Variants in FAM193A observed in about 807,000 individuals in gnomAD.
FAM193A encodes the protein family with sequence similarity 193 member A, also known as protein FAM193A.
In FAM193A, 22 loss-of-function variants were observed where a neutral mutation model predicts 126.5. The observed-to-expected ratio is 0.17, with a 90% confidence interval of 0.12 to 0.25. The LOEUF is 0.25. Among genes scored for constraint, FAM193A ranks in the 10% least tolerant of loss-of-function variants. The probability of loss-of-function intolerance (pLI) is 1.00; values close to 1 mark genes in which losing one functional copy is unlikely to be tolerated. For synonymous variants in FAM193A, 761 were observed against 646.8 expected (o/e 1.18, Z -2.68); for missense variants, 1,675 against 1,672.8 (o/e 1.00, Z -0.02).
rs569376843 is a variant in FAM193A, at chr4:2,545,977, G to A, written c.255+8807G>A. Among the ~76,000 whole-genome samples the A allele has an allele frequency of 6.6e-5, 10 of 152,206 alleles. No homozygotes were observed. The South Asian group carries it at 1.9e-3, about 28-fold the overall frequency. ...AGCCTGACCAACATGGTGAAATCGTGTCTCTACTAAAAATACAAAAATTAG... is the reference window on the plus strand; with the variant it reads ...AGCCTGACCAACATGGTGAAATCGTATCTCTACTAAAAATACAAAAATTAG... On this transcript the variant is annotated intron_variant, in intron 1 of 20. Transcript: ENST00000637812.
chr4:2,723,505 C>T (rs936297155), intron 20 of FAM193A, among the ~76,000 whole-genome samples: 3 of 150,662 alleles, frequency 2.0e-5, no homozygotes, highest in Non-Finnish European at 2.9e-5. Flanking sequence ...ACCCAGGAGG[C>T]GGAGGTTGCA....
At chr4:2,706,193 G>A (rs1282700158) in intron 19 of FAM193A, among the ~76,000 whole-genome samples, 2 of 151,942 alleles carry the variant, frequency 1.3e-5, no homozygotes, top group African/African-American at 4.8e-5. Flanking sequence ...GGTCTATAAT[G>A]AGACCTTGTT....
At chr4:2,558,448 CAT>C (rs994953622) in intron 1 of FAM193A, among the ~76,000 whole-genome samples, 2 of 152,178 alleles carry the variant, frequency 1.3e-5, no homozygotes, top group African/African-American at 4.8e-5. Context: ...ATTCCGCCGT[CAT>C]AGCTCACTGC....
intron 6 of FAM193A, among the ~76,000 whole-genome samples, chr4:2,644,540 G>T (rs1211906000): frequency 6.6e-6 from 1 of 152,184 alleles, no homozygotes; most frequent in Non-Finnish European, 1.5e-5. Flanking sequence ...CTCCTGAGGG[G>T]CAGAAACAGC....
chr4:2,715,737 T>G (rs1225712158), intron 19 of FAM193A, among the ~76,000 whole-genome samples: 1 of 152,198 alleles, frequency 6.6e-6, no homozygotes, highest in Non-Finnish European at 1.5e-5. Flanking sequence ...GCCTGTCATA[T>G]AATGACCAGT....
At chr4:2,609,585 T>G (rs1032610856) in intron 2 of FAM193A, among the ~76,000 whole-genome samples, 1 of 152,190 alleles carries the variant, frequency 6.6e-6, no homozygotes, top group Non-Finnish European at 1.5e-5. Context: ...GCCCATAGAT[T>G]AATCAAGGCA....
Position 2,690,785 on chromosome 4 carries a change from A to C in FAM193A, c.2618A>C (p.Asp873Ala). The C allele has an allele frequency of 6.2e-7, 1 of 1,614,130 alleles. No individual in the cohort carries two copies. Among genetic ancestry groups the C allele is most frequent in the South Asian group, 1.1e-5 (1 of 91,088 alleles). The change falls in exon 15 of 21, where the codon GAT becomes GCT. Residue 873 changes from aspartate to alanine, a missense_variant. Transcript: ENST00000637812. ...AGCAATGAAACACCTGCAGTCTCGG[A>C]TAGTAAAGAGAAAAAGAATGCTGCA... is the stretch of plus-strand genomic sequence containing the variant. ...PSSNETPAVS[D>A]SKEKKNAAKK...
At chr4:2,555,762 C>T (rs1427046064) in intron 1 of FAM193A, among the ~76,000 whole-genome samples, 7 of 151,618 alleles carry the variant, frequency 4.6e-5, no homozygotes, top group East Asian at 1.9e-4. Flanking sequence ...GGACTACAGG[C>T]GCCCACCACC....
At chr4:2,728,238 ATTTTTTTTT>A (rs58609064) in intron 20 of FAM193A, among the ~76,000 whole-genome samples, 7 of 82,058 alleles carry the variant, frequency 8.5e-5, no homozygotes, top group South Asian at 4.5e-4. Context: ...ACCCGGCCCA[ATTTTTTTTT>A]TTTTTTTTTT....
At position 2,625,347 on chromosome 4, in the gene FAM193A, C is replaced by T. The variant is rs966087558; in HGVS notation, c.587C>T (p.Thr196Met). ...GGGAGGCTCGCTCTGGGTGCACAGA[C>T]GCTGCCTTCAGACACCGCATGCTCG... ...SGGRLALGAQ[T>M]LPSDTACSCE... Residue 196 changes from threonine (T) to methionine (M), a missense_variant, in exon 3 of 21, where the codon ACG (threonine) becomes ATG (methionine). This residue lies in a region of FAM193A where 1,186 missense variants were observed against 1,109.2 expected (regional missense o/e 1.07). Transcript: ENST00000637812. 63 of 702,960 alleles carry T rather than the reference C, an allele frequency of 9.0e-5. 1 individual carries two copies. The highest frequency in any genetic ancestry group is 1.3e-4 in the South Asian group (9 of 67,594). The allele number at this position is 702,960 out of a possible 1,614,324, so 43.5% of individuals were successfully genotyped here.
At chr4:2,627,090 C>G (rs1015777244) in intron 4 of FAM193A, among the ~76,000 whole-genome samples, 2 of 151,840 alleles carry the variant, frequency 1.3e-5, no homozygotes, top group Admixed American at 6.6e-5. Flanking sequence ...CAGCAGATAC[C>G]TTATGCTCAG....
intron 7 of FAM193A, among the ~76,000 whole-genome samples, chr4:2,650,633 A>T (rs1289259594): frequency 6.6e-6 from 1 of 152,168 alleles, no homozygotes; most frequent in Non-Finnish European, 1.5e-5. Flanking sequence ...GAAGCACGTG[A>T]AAGGCTCCTT....
At chr4:2,721,606 C>T (rs1329756153) in intron 20 of FAM193A, among the ~76,000 whole-genome samples, 1 of 152,258 alleles carries the variant, frequency 6.6e-6, no homozygotes, top group Admixed American at 6.5e-5. Flanking sequence ...GGAGGTGCTG[C>T]TGCTTCATGG....
At chr4:2,625,115 G>A (rs1405309923) in intron 2 of FAM193A, 147 bp from the exon 3 acceptor site, 2 of 561,316 alleles carry the variant, frequency 3.6e-6, no homozygotes, top group Non-Finnish European at 6.4e-6. Flanking sequence ...TTACAAGTGT[G>A]AGCCACTGTA....
chr4:2,662,762 CTG>C (rs1712613301), intron 10 of FAM193A, 74 bp from the exon 11 acceptor site: 2 of 1,138,074 alleles, frequency 1.8e-6, no homozygotes, highest in Non-Finnish European at 2.6e-6. Flanking sequence ...CAGGAAATAT[CTG>C]TGCTTAGTGG....
rs574805412 is a variant in FAM193A, at chr4:2,650,941, A to G, written c.1311+4109A>G. On this transcript the variant is annotated intron_variant, in intron 7 of 20. Coordinates refer to ENST00000637812, the MANE Select transcript of FAM193A (RefSeq NM_001366318.2). ...TTGTTAGTGTTTGTAGCAGTAACAG[A>G]CGTGCAGATGGAGAAGCTGAGTGTT... Among the ~76,000 whole-genome samples, 4 of 152,266 alleles carry G rather than the reference A, an allele frequency of 2.6e-5. No individual in the cohort carries two copies. The East Asian group carries it at 7.7e-4, about 29-fold the overall frequency.
intron 13 of FAM193A, among the ~76,000 whole-genome samples, chr4:2,683,659 G>T (rs547005977): frequency 4.6e-5 from 7 of 152,176 alleles, no homozygotes; most frequent in Non-Finnish European, 8.8e-5. Context: ...AGCTTTGGGG[G>T]TATTTATTCC....
At chr4:2,556,500 G>C (rs1198985953) in intron 1 of FAM193A, among the ~76,000 whole-genome samples, 4 of 152,066 alleles carry the variant, frequency 2.6e-5, no homozygotes, top group Admixed American at 2.6e-4. Context: ...CACCACGCCC[G>C]GCTGAGATAC....
At chr4:2,714,150 A>G (rs1459823527) in intron 19 of FAM193A, among the ~76,000 whole-genome samples, 1 of 152,104 alleles carries the variant, frequency 6.6e-6, no homozygotes, top group Non-Finnish European at 1.5e-5. Context: ...ATGCTTTCTT[A>G]GATCTTCACT....
Sources: allele counts gnomAD v4.1 joint callset (sites outside exome capture counted in the v4.1 genomes callset), GRCh38; gene constraint gnomAD v4.1.1; regional missense constraint gnomAD v4.1.1; transcripts MANE v1.5; gene names NCBI Gene and HGNC (gene_info 2026-07-23, HGNC 2026-07-21).